The following DUSP13A variants were observed in gnomAD, a reference collection of about 807,000 sequenced individuals.
The protein encoded by DUSP13A is dual specificity phosphatase 13A.
At chr10:75,108,249 A>G in the DUSP13A span, 1 of 1,561,244 alleles carries the variant, frequency 6.4e-7, no homozygotes, top group South Asian at 1.2e-5. Context: ...CGGCCAAGCC[A>G]TGGGACCAGG....
the DUSP13A span, among the ~76,000 whole-genome samples, chr10:75,107,808 C>T: frequency 3.9e-5 from 6 of 152,248 alleles, no homozygotes; most frequent in Admixed American, 2.0e-4. Context: ...AACTCCTGAC[C>T]TCAGGCGATC....
At chr10:75,109,022 A>G in the DUSP13A span, 1 of 1,608,534 alleles carries the variant, frequency 6.2e-7, no homozygotes. Context: ...TCTCCTATGA[A>G]AAGGTTGGGC....
At chr10:75,108,942 G>T in the DUSP13A span, 1 of 1,534,162 alleles carries the variant, frequency 6.5e-7, no homozygotes. Flanking sequence ...TCCTGTGTCT[G>T]GTAAAGCGAC....
the DUSP13A span, chr10:75,108,401 C>T: frequency 1.1e-5 from 11 of 1,036,306 alleles, no homozygotes; most frequent in South Asian, 3.8e-5. Context: ...GCTGAGCCGG[C>T]GGTGTGTGTG....
the DUSP13A span, among the ~76,000 whole-genome samples, chr10:75,107,646 G>A: frequency 6.6e-6 from 1 of 151,960 alleles, no homozygotes; most frequent in Non-Finnish European, 1.5e-5. Context: ...GCATGATCTC[G>A]GCTCACTGCA....
At chr10:75,105,784 G>A in the DUSP13A span, 3 of 1,551,154 alleles carry the variant, frequency 1.9e-6, no homozygotes, top group African/African-American at 1.4e-5. Context: ...CTGGCGCAGG[G>A]ACAGCCGCTG....
the DUSP13A span, among the ~76,000 whole-genome samples, chr10:75,106,765 G>C: frequency 6.6e-6 from 1 of 152,250 alleles, no homozygotes; most frequent in African/African-American, 2.4e-5. Flanking sequence ...TGCCAGGCAC[G>C]TAGTGGATAC....
At chr10:75,109,157 T>C in the DUSP13A span, 111 of 1,582,060 alleles carry the variant, frequency 7.0e-5, no homozygotes, top group Non-Finnish European at 9.2e-5. Flanking sequence ...GTCTCAGCCA[T>C]GGGCCAGCCC....
chr10:75,108,870 T>G, the DUSP13A span: 3 of 1,144,584 alleles, frequency 2.6e-6, no homozygotes, highest in Non-Finnish European at 3.5e-6. Context: ...CCCCCGGGGG[T>G]CCTGGAGAAG....
At chr10:75,107,720 G>A in the DUSP13A span, among the ~76,000 whole-genome samples, 2 of 152,248 alleles carry the variant, frequency 1.3e-5, no homozygotes, top group Non-Finnish European at 2.9e-5. Context: ...GAGATTATAG[G>A]TGGGTGCCAC....
the DUSP13A span, among the ~76,000 whole-genome samples, chr10:75,106,674 G>A: frequency 3.9e-5 from 6 of 152,148 alleles, no homozygotes; most frequent in Admixed American, 6.5e-5. Flanking sequence ...TATACTATTC[G>A]CAATTTGGCT....
the DUSP13A span, chr10:75,105,705 C>G: frequency 9.7e-6 from 15 of 1,551,966 alleles, no homozygotes; most frequent in Non-Finnish European, 1.3e-5. Flanking sequence ...GCTGGTCCAG[C>G]CTGCAGAGCT....
the DUSP13A span, chr10:75,105,786 C>T: frequency 6.4e-7 from 1 of 1,551,148 alleles, no homozygotes; most frequent in Non-Finnish European, 8.7e-7. Flanking sequence ...GGCGCAGGGA[C>T]AGCCGCTGGT....
the DUSP13A span, chr10:75,107,960 G>A: frequency 6.9e-6 from 11 of 1,586,370 alleles, no homozygotes; most frequent in Non-Finnish European, 9.4e-6. Flanking sequence ...GAATGAGCAA[G>A]ATGGGATATG....
At chr10:75,107,681 A>G in the DUSP13A span, among the ~76,000 whole-genome samples, 9 of 152,078 alleles carry the variant, frequency 5.9e-5, no homozygotes, top group Non-Finnish European at 8.8e-5. Context: ...TGTTCAAGCA[A>G]TTCTCCTGCC....
At chr10:75,106,496 G>A in the DUSP13A span, among the ~76,000 whole-genome samples, 36 of 152,194 alleles carry the variant, frequency 2.4e-4, no homozygotes, top group Non-Finnish European at 3.5e-4. Context: ...TTTCTTGACC[G>A]CTCAAAGTAT....
chr10:75,105,908 C>T, the DUSP13A span: 43 of 1,530,646 alleles, frequency 2.8e-5, no homozygotes, highest in Admixed American at 3.9e-5. Context: ...GTCCCACACA[C>T]CGGCCCACCC....
At chr10:75,106,648 T>G in the DUSP13A span, among the ~76,000 whole-genome samples, 1 of 152,220 alleles carries the variant, frequency 6.6e-6, no homozygotes, top group Non-Finnish European at 1.5e-5. Context: ...GGCCCACTCT[T>G]ATGAGTAGCT....
the DUSP13A span, among the ~76,000 whole-genome samples, chr10:75,107,549 G>A: frequency 6.6e-6 from 1 of 152,060 alleles, no homozygotes; most frequent in African/African-American, 2.4e-5. Context: ...AATCGGGTTC[G>A]ACAAAATGCT....
Sources: gnomAD v4.1 joint callset for allele counts (sites outside exome capture counted in the v4.1 genomes callset) on GRCh38, gnomAD v4.1.1 for gene constraint, MANE v1.5 for transcripts, NCBI Gene and HGNC (gene_info 2026-07-23, HGNC 2026-07-21) for gene names.